The following PHF19 variants were observed in gnomAD, a reference collection of about 807,000 sequenced individuals.
PHF19 encodes the protein polycomb like 3.
PHF19 carries 21 observed loss-of-function variants against 79.8 expected under a neutral mutation model. The observed-to-expected ratio is 0.26, with a 90% confidence interval of 0.19 to 0.38. PHF19 has a LOEUF of 0.38. Among genes scored for constraint, PHF19 ranks in the 10% least tolerant of loss-of-function variants. The pLI is 1.00. For missense variants in PHF19, 445 were observed against 744.2 expected (o/e 0.60, Z 4.68); for synonymous variants, 273 against 296.3 (o/e 0.92, Z 0.81).
the PHF19 span, among the ~76,000 whole-genome samples, chr9:120,900,901 C>A: frequency 6.6e-6 from 1 of 152,206 alleles, no homozygotes; most frequent in African/African-American, 2.4e-5. Flanking sequence ...CTCTTACAAT[C>A]AGGAATTAGT....
At chr9:120,881,780 G>C (rs939411369), upstream of PHF19, among the ~76,000 whole-genome samples, 5 of 152,026 alleles carry the variant, frequency 3.3e-5, no homozygotes, top group African/African-American at 1.2e-4. Context: ...TTGTTTATTT[G>C]AGATGAAGTC....
At chr9:120,894,210 C>T (rs535839067) in intron 1 of PHF19, among the ~76,000 whole-genome samples, 24 of 152,324 alleles carry the variant, frequency 1.6e-4, no homozygotes, top group South Asian at 6.2e-4. Flanking sequence ...CCACCGTCCC[C>T]TAAGACTGAT....
upstream of PHF19, among the ~76,000 whole-genome samples, chr9:120,879,913 T>G (rs1315764565): frequency 6.6e-6 from 1 of 151,750 alleles, no homozygotes; most frequent in Non-Finnish European, 1.5e-5. Flanking sequence ...TGCTCAACCT[T>G]ATTGGCCACG....
chr9:120,861,406 A>T (rs948227272), intron 12 of PHF19, among the ~76,000 whole-genome samples: 20 of 152,198 alleles, frequency 1.3e-4, no homozygotes, highest in African/African-American at 4.6e-4. Context: ...CAGTTACTTC[A>T]ACTGCAAAAT....
At chr9:120,873,299 G>A (rs1426963312) in intron 3 of PHF19, among the ~76,000 whole-genome samples, 1 of 152,200 alleles carries the variant, frequency 6.6e-6, no homozygotes, top group Non-Finnish European at 1.5e-5. Flanking sequence ...GGCTACTGAT[G>A]TCTGTTGTGT....
In PHF19 at chr9:120,891,040, A is replaced by T. The variant is rs1177860512; in HGVS notation, c.42+3748T>A. Among the ~76,000 whole-genome samples, 4 of 151,982 alleles carry T rather than the reference A, an allele frequency of 2.6e-5. No individual in the cohort carries two copies. Among genetic ancestry groups the T allele is most frequent in the Non-Finnish European group, 5.9e-5 (4 of 67,982 alleles). On this transcript the variant is annotated intron_variant, in intron 1 of 14. Transcript: ENST00000616568. The surrounding 1 kb of genome is among the most constrained non-coding windows in gnomAD (Gnocchi z 4.3). ...AGCCTTGGACTGTGTTTTTGCCTTG[A>T]TGGGGATTTTCCTTCCCCTTCGTCA...
upstream of PHF19, among the ~76,000 whole-genome samples, chr9:120,880,189 T>A (rs2046158430): frequency 6.6e-6 from 1 of 152,146 alleles, no homozygotes; most frequent in South Asian, 2.1e-4. Context: ...ATTAATGAAT[T>A]ATCCATGAAC....
At chr9:120,889,809 A>AGAG in intron 1 of PHF19, among the ~76,000 whole-genome samples, 1 of 151,070 alleles carries the variant, frequency 6.6e-6, no homozygotes, top group Middle Eastern at 3.4e-3. Context: ...GAAAGAAAGA[A>AGAG]AGAGAAAGAA....
intron 1 of PHF19, among the ~76,000 whole-genome samples, chr9:120,887,179 G>T (rs1213422101): frequency 6.6e-6 from 1 of 152,140 alleles, no homozygotes; most frequent in Non-Finnish European, 1.5e-5. Flanking sequence ...TTCTGGCTGG[G>T]TGCGGTGGCT....
At chr9:120,877,476 G>T (rs1220154528), upstream of PHF19, 6 of 514,966 alleles carry the variant, frequency 1.2e-5, no homozygotes, top group Non-Finnish European at 1.2e-5. Flanking sequence ...ATCCTCCGCG[G>T]CCACTAGCCA....
At chr9:120,877,379 G>GCGCCGGCCT (rs2046097691), upstream of PHF19, 5 of 979,862 alleles carry the variant, frequency 5.1e-6, no homozygotes, top group South Asian at 1.9e-4. Flanking sequence ...AGCGGGGGCC[G>GCGCCGGCCT]CGCCGGCCTC....
At position 120,864,091 on chromosome 9, in the gene PHF19, C is replaced by T; in HGVS notation, c.926G>A (p.Arg309Gln). The T allele has an allele frequency of 6.2e-7, 1 of 1,613,884 alleles. No individual in the cohort carries two copies. The highest frequency in any genetic ancestry group is 8.5e-7 in the Non-Finnish European group (1 of 1,179,914). The change falls in exon 10 of 15, where the codon CGA becomes CAA. Residue 309 changes from arginine (R) to glutamine (Q), a missense_variant. Coordinates refer to ENST00000373896, the MANE Select transcript of PHF19 (RefSeq NM_015651.3). ...GKLTSTPVTD[R>Q]GPHLLNALNS... ...CAGAGCGTTGAGGAGATGTGGTCCT[C>T]GATCTGTCACTGGGGTGCTGGTGAG...
intron 9 of PHF19, among the ~76,000 whole-genome samples, chr9:120,864,621 T>G (rs368365339): frequency 1.7e-3 from 259 of 152,278 alleles, no homozygotes; most frequent in African/African-American, 5.9e-3. Flanking sequence ...GGGAGGAGGT[T>G]GCAGTGAGCT....
At position 120,874,820 on chromosome 9, in the gene PHF19, A is replaced by C; in HGVS notation, c.-15-64T>G. 9.2e-7 allele frequency: 1 copy of C among 1,092,800 alleles called. No homozygotes were observed. Among genetic ancestry groups the C allele is most frequent in the Non-Finnish European group, 1.4e-6 (1 of 732,908 alleles). The allele number at this position is 1,092,800 out of a possible 1,614,324, so 67.7% of individuals were successfully genotyped here. ...CTGCTTCAGAAAGCCCATCAGGGGA[A>C]GGAAGGAAACCACCATTTCTGTACC... On this transcript the variant is annotated intron_variant, in intron 1 of 14. Transcript: ENST00000373896. The surrounding 1 kb of genome is among the most constrained non-coding windows in gnomAD (Gnocchi z 4.5).
At chr9:120,899,368 C>T (rs188694408), upstream of PHF19, among the ~76,000 whole-genome samples, 135 of 151,366 alleles carry the variant, frequency 8.9e-4, 2 homozygotes, top group East Asian at 0.02. Flanking sequence ...TGGTGGTGGG[C>T]GCCTGTAGTC....
At position 120,874,206 on chromosome 9, in the gene PHF19, G is replaced by A; in HGVS notation, c.187-146C>T. On this transcript the variant is annotated intron_variant, in intron 2 of 14. Coordinates refer to ENST00000373896, the MANE Select transcript of PHF19 (RefSeq NM_015651.3). The surrounding 1 kb of genome is among the most constrained non-coding windows in gnomAD (Gnocchi z 4.5). ...AAGGATGGCAGTTCCTGGACAGGGT[G>A]TACTCCTAGTCACCTGGAGTCGTAC... is the stretch of plus-strand genomic sequence containing the variant. The A allele has an allele frequency of 6.5e-6, 4 of 615,502 alleles. No homozygotes were observed. In the South Asian group the frequency reaches 7.6e-5, roughly 12 times the overall value. 38.1% of individuals were successfully genotyped at this position (615,502 alleles called of 1,614,324 possible).
chr9:120,884,065 T>C (rs780883387), intron 1 of PHF19, among the ~76,000 whole-genome samples: 21 of 152,224 alleles, frequency 1.4e-4, no homozygotes, highest in Non-Finnish European at 2.6e-4. Flanking sequence ...TTGCTCCCAG[T>C]CATTCTTTAT....
In PHF19 at chr9:120,862,087, C is replaced by T. The variant is rs1243262284; in HGVS notation, c.1131-82G>A. ...GGCCCAGAGGGAGGCGCCGCAGGGGCGGGGGTCACAGCAGTTGGGGAGACA... is the reference window on the plus strand; with the variant it reads ...GGCCCAGAGGGAGGCGCCGCAGGGGTGGGGGTCACAGCAGTTGGGGAGACA... On this transcript the variant is annotated intron_variant, in intron 11 of 14. Coordinates refer to ENST00000373896, the MANE Select transcript of PHF19 (RefSeq NM_015651.3). The surrounding 1 kb of genome is among the most constrained non-coding windows in gnomAD (Gnocchi z 4.6). The T allele has an allele frequency of 1.5e-5, 14 of 961,598 alleles. No homozygotes were observed. Among genetic ancestry groups the T allele is most frequent in the East Asian group, 4.8e-5 (2 of 42,024 alleles). 59.6% of individuals were successfully genotyped at this position (961,598 alleles called of 1,614,324 possible). A position where few individuals can be genotyped will look rare whatever the true frequency, so the allele number is the denominator to read the frequency against.
Position 120,874,765 on chromosome 9 carries a change from G to GA in PHF19, c.-15-10dup. 2 of 1,593,658 alleles carry GA rather than the reference G, an allele frequency of 1.3e-6. No individual in the cohort carries two copies. Among genetic ancestry groups the GA allele is most frequent in the East Asian group, 4.5e-5 (2 of 44,760 alleles). ...ATCAGCTTCCCCTGACACTGGGAGA[G>GA]AAAGAACAGGGTTTTTGCTTCTTGC... is the stretch of plus-strand genomic sequence containing the variant. On this transcript the variant is annotated splice_polypyrimidine_tract_variant and intron_variant, in intron 1 of 14. Transcript: ENST00000373896. The surrounding 1 kb of genome is among the most constrained non-coding windows in gnomAD (Gnocchi z 4.5).
Sources: allele counts gnomAD v4.1 joint callset (sites outside exome capture counted in the v4.1 genomes callset), GRCh38; gene constraint gnomAD v4.1.1; non-coding constraint Gnocchi (gnomAD v3.1); transcripts MANE v1.5; gene names NCBI Gene and HGNC (gene_info 2026-07-23, HGNC 2026-07-21).